Variants in MPP1 observed in about 807,000 individuals in gnomAD.
MPP1 encodes MAGUK p55 scaffold protein 1, also known as 55 kDa erythrocyte membrane protein.
In MPP1, 6 loss-of-function variants were observed where a neutral mutation model predicts 38.2. The ratio of observed to expected loss-of-function variants is 0.16; its 90% CI spans 0.09 to 0.31. MPP1 has a LOEUF of 0.31. Ranked by LOEUF, MPP1 falls within the 10% of genes least tolerant of loss-of-function variation. MPP1 has a pLI of 1.00. For synonymous variants in MPP1, 153 were observed against 146.3 expected (o/e 1.05, Z -0.33); for missense variants, 293 against 368.9 (o/e 0.79, Z 1.69).
At chrX:154,798,586 C>G (rs1277747182) in intron 1 of MPP1, among the ~76,000 whole-genome samples, 2 of 111,975 alleles carry the variant, frequency 1.8e-5, no homozygotes, top group African/African-American at 3.2e-5. Context: ...AGACATTGAA[C>G]AGAGTAGTGA....
chrX:154,779,548 CAG>C (rs1198016007), intron 11 of MPP1, among the ~76,000 whole-genome samples, 195 bp from the exon 12 acceptor site: 2 of 112,259 alleles, frequency 1.8e-5, no homozygotes, highest in Non-Finnish European at 3.8e-5. Flanking sequence ...TGGCAATTCT[CAG>C]AGGATCTCAA....
chrX:154,796,465 A>G (rs1239593121), intron 1 of MPP1, among the ~76,000 whole-genome samples: 2 of 111,809 alleles, frequency 1.8e-5, no homozygotes, highest in Non-Finnish European at 3.8e-5. Context: ...GACAGAAAGC[A>G]GATGGAGGAA....
chrX:154,780,490 C>T (rs890659148), intron 11 of MPP1, among the ~76,000 whole-genome samples: 3 of 112,593 alleles, frequency 2.7e-5, no homozygotes, highest in African/African-American at 9.7e-5. Context: ...CTATTTTTCC[C>T]TCCAGTAGAC....
chrX:154,792,554 T>C, intron 1 of MPP1: 1 of 267,801 alleles, frequency 3.7e-6, no homozygotes, highest in Non-Finnish European at 6.6e-6. Context: ...ATAAATAAAA[T>C]AGACATGTTT....
At chrX:154,779,453 G>A (rs1030608340) in intron 11 of MPP1, 100 bp from the exon 12 acceptor site, 25 of 774,376 alleles carry the variant, frequency 3.2e-5, no homozygotes, top group Non-Finnish European at 4.0e-5. Context: ...TTGCTCAGCT[G>A]TGCATCATAC....
chrX:154,792,930 A>C (rs1183290376), intron 1 of MPP1, among the ~76,000 whole-genome samples: 1 of 111,328 alleles, frequency 9.0e-6, no homozygotes, highest in African/African-American at 3.3e-5. Context: ...GCAAAGCTAA[A>C]TGAGTTACTC....
intron 11 of MPP1, among the ~76,000 whole-genome samples, chrX:154,779,788 G>A (rs983079458): frequency 8.9e-6 from 1 of 112,810 alleles, no homozygotes; most frequent in South Asian, 3.7e-4. Flanking sequence ...GCACAATCTC[G>A]GCTCACTGCA....
intron 5 of MPP1, among the ~76,000 whole-genome samples, chrX:154,788,999 T>A (rs2072110472): frequency 8.9e-6 from 1 of 111,845 alleles, no homozygotes; most frequent in Non-Finnish European, 1.9e-5. Context: ...TCCCTGCTGT[T>A]AGAAGTCAGG....
intron 5 of MPP1, among the ~76,000 whole-genome samples, chrX:154,788,383 G>GA (rs1162440870): frequency 2.7e-5 from 3 of 111,287 alleles, no homozygotes; most frequent in African/African-American, 9.8e-5. Flanking sequence ...TATCCAAGTG[G>GA]AAAAAAACAT....
chrX:154,791,859 G>T lies in MPP1; in HGVS notation c.247-12C>A. On this transcript the variant is annotated splice_polypyrimidine_tract_variant and intron_variant, in intron 2 of 11. Coordinates refer to ENST00000369534, the MANE Select transcript of MPP1 (RefSeq NM_002436.4). ...TTCAGCGTGATTCCCTGAAATAAAG[G>T]CGACGGCACAATAAGCTTTATTTTA... is the stretch of plus-strand genomic sequence containing the variant. The T allele has an allele frequency of 1.7e-6, 2 of 1,184,841 alleles. No individual in the cohort carries two copies. The highest frequency in any genetic ancestry group is 1.8e-5 in the South Asian group (1 of 55,816).
At chrX:154,802,303 A>T (rs1319110704) in intron 1 of MPP1, among the ~76,000 whole-genome samples, 3 of 112,439 alleles carry the variant, frequency 2.7e-5, no homozygotes, top group African/African-American at 6.5e-5. Context: ...TTTGCCTCTT[A>T]GTTCCAGCAG....
At chrX:154,785,256 G>T in intron 6 of MPP1, 99 bp from the exon 7 acceptor site, 1 of 595,690 alleles carries the variant, frequency 1.7e-6, no homozygotes, top group Non-Finnish European at 2.5e-6. Flanking sequence ...CACTCTCTGA[G>T]TGTCCATTAC....
intron 6 of MPP1, 120 bp downstream of exon 6, chrX:154,786,084 G>A: frequency 1.4e-6 from 1 of 698,658 alleles, no homozygotes; most frequent in Non-Finnish European, 2.1e-6. Context: ...CATTATGCCA[G>A]GAAATCTAGG....
intron 5 of MPP1, among the ~76,000 whole-genome samples, chrX:154,786,957 C>A (rs138358116): frequency 0.015 from 1,594 of 107,631 alleles, 32 homozygotes; most frequent in African/African-American, 0.05. Context: ...TCAACGTGTC[C>A]ACAGTTACTG....
At chrX:154,790,488 G>A (rs1395435984) in intron 4 of MPP1, among the ~76,000 whole-genome samples, 2 of 102,853 alleles carry the variant, frequency 1.9e-5, no homozygotes, top group East Asian at 3.0e-4. Flanking sequence ...CCGAGATCAC[G>A]CCATTGTACT....
At chrX:154,792,453 A>G (rs2072153628) in intron 1 of MPP1, 168 bp from the exon 2 acceptor site, 3 of 558,226 alleles carry the variant, frequency 5.4e-6, no homozygotes, top group African/African-American at 4.6e-5. Flanking sequence ...TATTTCTCCA[A>G]CTTAATAGAC....
chrX:154,785,211 C>CT (rs1461420048), intron 6 of MPP1, 54 bp from the exon 7 acceptor site: 92 of 910,910 alleles, frequency 1.0e-4, no homozygotes, highest in East Asian at 2.1e-4. Context: ...CCCTCATACC[C>CT]CCCCCAGCCA....
Position 154,792,176 on chromosome X carries a change from A to T in MPP1, c.212T>A (p.Leu71His). The change falls in exon 2 of 12, where the codon CTC becomes CAC. Residue 71 changes from leucine to histidine, a missense_variant. By Grantham distance (99) the Leu-to-His change is moderately conservative. Coordinates refer to ENST00000369534, the MANE Select transcript of MPP1 (RefSeq NM_002436.4). The stretch of plus-strand genomic sequence containing the variant: ...TTCTGTGACCTTCTCAAACTGTATG[A>T]GTCGCACTTTCCGCACCTCCTGTCC... ...VKGQEVRKVR[L>H]IQFEKVTEEP... The T allele has an allele frequency of 8.3e-7, 1 of 1,211,833 alleles. No individual in the cohort carries two copies. The highest frequency in any genetic ancestry group is 1.8e-5 in the South Asian group (1 of 57,000).
intron 8 of MPP1, 167 bp from the exon 9 acceptor site, chrX:154,783,674 G>A: frequency 2.2e-6 from 1 of 453,871 alleles, no homozygotes; most frequent in South Asian, 3.4e-5. Context: ...GTCCGCCAGA[G>A]GCAAAGCCTA....
Sources: allele counts gnomAD v4.1 joint callset (sites outside exome capture counted in the v4.1 genomes callset), GRCh38; gene constraint gnomAD v4.1.1; transcripts MANE v1.5; gene names NCBI Gene and HGNC (gene_info 2026-07-23, HGNC 2026-07-21).